The following MMP16 variants were observed in gnomAD, a reference collection of about 807,000 sequenced individuals.
The protein encoded by MMP16 is matrix metallopeptidase 16, also known as matrix metalloproteinase-16.
Under a neutral mutation model 67.8 loss-of-function variants are expected in MMP16, and 12 were observed. That is an observed-to-expected ratio of 0.18 (90% CI 0.11 to 0.29). The LOEUF (loss-of-function observed/expected upper bound fraction) is 0.29, where lower values mean the gene tolerates loss of function less well. Among genes scored for constraint, MMP16 ranks in the 10% least tolerant of loss-of-function variants. The probability of loss-of-function intolerance (pLI) is 1.00; values close to 1 mark genes in which losing one functional copy is unlikely to be tolerated. For synonymous variants in MMP16, 249 were observed against 255.9 expected, an observed-to-expected ratio of 0.97 and a Z score of 0.26; for missense variants, 475 against 765.7, an observed-to-expected ratio of 0.62 and a Z score of 4.48.
At chr8:88,266,887 C>A (rs912219979) in intron 1 of MMP16, among the ~76,000 whole-genome samples, 9 of 152,162 alleles carry the variant, frequency 5.9e-5, no homozygotes, top group Non-Finnish European at 1.2e-4. Context: ...TGACTCCTGA[C>A]AACCTTTGCT....
chr8:88,093,633 T>C (rs1808976889), intron 6 of MMP16, among the ~76,000 whole-genome samples: 1 of 151,904 alleles, frequency 6.6e-6, no homozygotes, highest in Admixed American at 6.6e-5. Flanking sequence ...TGTACTTCTT[T>C]ATAAATAAAA....
intron 3 of MMP16, among the ~76,000 whole-genome samples, chr8:88,174,806 G>A (rs1341054234): frequency 4.0e-5 from 6 of 150,352 alleles, no homozygotes; most frequent in African/African-American, 4.9e-5. Flanking sequence ...CCAGGCTGGC[G>A]TGCAGTGGCA....
intron 1 of MMP16, among the ~76,000 whole-genome samples, chr8:88,296,823 T>C (rs953622555): frequency 1.4e-5 from 2 of 144,916 alleles, no homozygotes; most frequent in Non-Finnish European, 3.0e-5. Context: ...CCAGCCTGGG[T>C]GGCAAAGTCA....
Position 88,186,525 on chromosome 8 carries a change from G to T in MMP16, c.355C>A (p.Arg119=). The T allele has an allele frequency of 6.2e-7, 1 of 1,605,918 alleles. No individual in the cohort carries two copies. Among genetic ancestry groups the T allele is most frequent in the South Asian group, 1.1e-5 (1 of 90,894 alleles). ...CATTTCTGTCCTGTCAATGCATATC[G>T]CTTTCGACGAATATGAAATTTGGAG... is the stretch of plus-strand genomic sequence containing the variant. The part of the protein sequence containing the change: ...GSSKFHIRRK[R]YALTGQKWQH... Residue 119 remains arginine (R), a synonymous_variant, in exon 3 of 10, where the codon CGA becomes AGA. Transcript: ENST00000286614.
chr8:88,078,531 T>G (rs757875744), intron 6 of MMP16, among the ~76,000 whole-genome samples: 33 of 152,224 alleles, frequency 2.2e-4, no homozygotes, highest in Non-Finnish European at 3.8e-4. Context: ...TGATCTACTA[T>G]CAGTAGAAAT....
At chr8:88,079,469 G>C (rs1808708933) in intron 6 of MMP16, among the ~76,000 whole-genome samples, 1 of 152,106 alleles carries the variant, frequency 6.6e-6, no homozygotes, top group African/African-American at 2.4e-5. Flanking sequence ...TCTGCAGTTT[G>C]AGGCATCCAC....
chr8:88,206,711 T>TAG (rs1386857770), intron 1 of MMP16, among the ~76,000 whole-genome samples: 5 of 152,250 alleles, frequency 3.3e-5, no homozygotes, highest in Non-Finnish European at 7.3e-5. Context: ...GGTCTTTATT[T>TAG]AGAAGTCTGG....
chr8:88,324,496 G>A (rs1307710721), intron 1 of MMP16, among the ~76,000 whole-genome samples: 1 of 152,064 alleles, frequency 6.6e-6, no homozygotes, highest in African/African-American at 2.4e-5. Context: ...AATCTTAGTT[G>A]TCAGCATAAA....
chr8:88,256,706 C>T (rs1243438371), intron 1 of MMP16, among the ~76,000 whole-genome samples: 3 of 151,414 alleles, frequency 2.0e-5, no homozygotes, highest in South Asian at 2.1e-4. Flanking sequence ...ACACACACCC[C>T]ACACACACCA....
At chr8:88,225,216 C>T (rs1375832252) in intron 1 of MMP16, among the ~76,000 whole-genome samples, 1 of 151,830 alleles carries the variant, frequency 6.6e-6, no homozygotes, top group Non-Finnish European at 1.5e-5. Context: ...GATAAAAATG[C>T]ACTAAGAGAA....
intron 3 of MMP16, among the ~76,000 whole-genome samples, chr8:88,185,907 G>A (rs1315149347): frequency 6.6e-6 from 1 of 152,062 alleles, no homozygotes; most frequent in Non-Finnish European, 1.5e-5. Flanking sequence ...ACATCTCCAG[G>A]CCTTGGCATT....
chr8:88,151,646 A>C (rs1477606438), intron 4 of MMP16, among the ~76,000 whole-genome samples: 2 of 147,138 alleles, frequency 1.4e-5, no homozygotes, highest in Non-Finnish European at 3.0e-5. Context: ...GCAGAAATAA[A>C]GATGTTCTTT....
intron 5 of MMP16, among the ~76,000 whole-genome samples, chr8:88,118,437 G>A (rs28907636): frequency 0.079 from 11,952 of 151,748 alleles, 692 homozygotes; most frequent in Non-Finnish European, 0.12. Flanking sequence ...GAACTTTGCC[G>A]TAACTGCAGG....
chr8:88,305,388 A>G (rs966557615), intron 1 of MMP16, among the ~76,000 whole-genome samples: 2 of 152,220 alleles, frequency 1.3e-5, no homozygotes, highest in Non-Finnish European at 2.9e-5. Flanking sequence ...TCATCAAGAC[A>G]GAAAATTAAC....
intron 6 of MMP16, among the ~76,000 whole-genome samples, chr8:88,097,592 C>T (rs764589104): frequency 7.2e-6 from 1 of 139,274 alleles, no homozygotes; most frequent in South Asian, 2.3e-4. Context: ...CACCACTGCA[C>T]TCCAACCTGA....
In MMP16 at chr8:88,289,361, G is replaced by C. The variant is rs1254430835; in HGVS notation, c.132+37714C>G. 2.0e-5 allele frequency among the ~76,000 whole-genome samples: 3 copies of C among 151,978 alleles called. No individual in the cohort carries two copies. The East Asian group carries it at 5.8e-4, about 29-fold the overall frequency. On this transcript the variant is annotated intron_variant, in intron 1 of 9. Transcript: ENST00000286614. Reference sequence around the variant, plus strand: ...ATTGGAGAAAAAGGAACATTTTAAAGGCCATTTAAAAAGCCAGTAAAATAT... The same window carrying C: ...ATTGGAGAAAAAGGAACATTTTAAACGCCATTTAAAAAGCCAGTAAAATAT...
chr8:88,167,336 C>T (rs1333922501), intron 4 of MMP16, among the ~76,000 whole-genome samples: 1 of 151,994 alleles, frequency 6.6e-6, no homozygotes, highest in African/African-American at 2.4e-5. Context: ...AAAAAAACAG[C>T]AGAATTTTCT....
chr8:88,039,477 C>T lies in MMP16; in HGVS notation c.*1984G>A, dbSNP rs1378552114. On this transcript the variant is annotated 3_prime_UTR_variant, in exon 10 of 10. Transcript: ENST00000286614. This position sits in a 1 kb window ranked among gnomAD's most constrained non-coding sequence, Gnocchi z 4.5. ...AACTAATCCAATGGAGAAGCAACACCAGATTTCCTTCAGTTTGTGCCAGTT... is the reference window on the plus strand; with the variant it reads ...AACTAATCCAATGGAGAAGCAACACTAGATTTCCTTCAGTTTGTGCCAGTT... The T allele has an allele frequency of 6.6e-6, 1 of 152,538 alleles. No individual in the cohort carries two copies. The highest frequency in any genetic ancestry group is 1.5e-5 in the Non-Finnish European group (1 of 68,034). The allele number at this position is 152,538 out of a possible 1,614,324, so 9.4% of individuals were successfully genotyped here.
intron 4 of MMP16, among the ~76,000 whole-genome samples, chr8:88,151,692 T>A (rs1293495492): frequency 6.6e-6 from 1 of 151,114 alleles, no homozygotes; most frequent in Non-Finnish European, 1.5e-5. Context: ...CATACCAGAA[T>A]CTCTGGGATG....
Sources: allele counts gnomAD v4.1 joint callset (sites outside exome capture counted in the v4.1 genomes callset), GRCh38; gene constraint gnomAD v4.1.1; non-coding constraint Gnocchi (gnomAD v3.1); transcripts MANE v1.5; gene names NCBI Gene and HGNC (gene_info 2026-07-23, HGNC 2026-07-21).